The following DENND3 variants were observed in gnomAD, a reference collection of about 807,000 sequenced individuals.
The protein encoded by DENND3 is DENN domain-containing protein 3.
Under a neutral mutation model 135.1 loss-of-function variants are expected in DENND3, and 88 were observed. The observed-to-expected ratio is 0.65, with a 90% CI of 0.55 to 0.78. The LOEUF (loss-of-function observed/expected upper bound fraction) is 0.78, where lower values mean the gene tolerates loss of function less well. DENND3 is among the 30% of genes least tolerant of loss of function. The probability of loss-of-function intolerance (pLI) is 0.00; values close to 1 mark genes in which losing one functional copy is unlikely to be tolerated. For missense variants in DENND3, 1,392 were observed against 1,688.4 expected (o/e 0.82, Z 3.08); for synonymous variants, 693 against 712.3 (o/e 0.97, Z 0.43).
chr8:141,128,773 G>A lies in DENND3; in HGVS notation c.66G>A (p.Leu22=), dbSNP rs966485991. 10 of 1,470,918 alleles carry A rather than the reference G, an allele frequency of 6.8e-6. No homozygotes were observed. Among genetic ancestry groups the A allele is most frequent in the Non-Finnish European group, 9.0e-6 (10 of 1,114,330 alleles). The allele number at this position is 1,470,918 out of a possible 1,614,324, so 91.1% of individuals were successfully genotyped here. The change falls in exon 1 of 23, where the codon CTG becomes CTA. Residue 22 remains leucine, a synonymous_variant. Transcript: ENST00000519811. The surrounding 1 kb of genome is among the most constrained non-coding windows in gnomAD (Gnocchi z 4.5). ...PSGLLELCAL[L]GAPRDSLRSL... ...GGCTGCTGGAGCTCTGCGCGCTGCT[G>A]GGCGCCCCCCGGGACAGTCTCCGAA...
At chr8:141,134,610 T>A (rs147996805) in intron 1 of DENND3, among the ~76,000 whole-genome samples, 183 of 152,290 alleles carry the variant, frequency 1.2e-3, no homozygotes, top group African/African-American at 3.8e-3. Flanking sequence ...TACTGATACA[T>A]TTTTTTCTCC....
rs1273591931 is a variant in DENND3, at chr8:141,167,160, G to A, written c.1753+771G>A. Among the ~76,000 whole-genome samples, 1 of 152,180 alleles carries A rather than the reference G, an allele frequency of 6.6e-6. No individual in the cohort carries two copies. Among genetic ancestry groups the A allele is most frequent in the African/African-American group, 2.4e-5 (1 of 41,430 alleles). ...ACCACGTTGTCTTTATCGGCTGAGC[G>A]CTGGAGCTCAGAGCGAACATTCTGG... On this transcript the variant is annotated intron_variant, in intron 12 of 22. Coordinates refer to ENST00000519811, the MANE Select transcript of DENND3 (RefSeq NM_001352890.3). The surrounding 1 kb of genome is among the most constrained non-coding windows in gnomAD (Gnocchi z 4.1).
At chr8:141,186,245 GT>G (rs1823873749) in intron 18 of DENND3, among the ~76,000 whole-genome samples, 2 of 152,180 alleles carry the variant, frequency 1.3e-5, no homozygotes, top group Admixed American at 1.3e-4. Context: ...GAACCCTGGT[GT>G]TTCCTGGTGG....
At chr8:141,155,219 C>G (rs181102702) in intron 7 of DENND3, among the ~76,000 whole-genome samples, 27 of 152,214 alleles carry the variant, frequency 1.8e-4, no homozygotes, top group Admixed American at 1.8e-3. Context: ...CTCGAATGCA[C>G]TTACACTGTC....
intron 4 of DENND3, chr8:141,142,404 A>G (rs1817578044): frequency 2.2e-6 from 1 of 457,058 alleles, no homozygotes. Context: ...CTTGCAAAGC[A>G]CAGTCATTTG....
rs57624779 is a variant in DENND3, at chr8:141,158,462, C to T, written c.1197-2170C>T. Among the ~76,000 whole-genome samples, 1,293 of 152,306 alleles carry T rather than the reference C, an allele frequency of 8.5e-3. 16 individuals are homozygous for T. The highest frequency in any genetic ancestry group is 0.03 in the African/African-American group (1,236 of 41,558). Reference sequence around the variant, plus strand: ...CACACACGATACGGAGGCTGGGCCCCGCTTTGGCTAGATCCCCCAGAATGG... The same window carrying T: ...CACACACGATACGGAGGCTGGGCCCTGCTTTGGCTAGATCCCCCAGAATGG... On this transcript the variant is annotated intron_variant, in intron 8 of 22. Transcript: ENST00000519811.
chr8:141,158,681 G>C (rs960063956), intron 8 of DENND3, among the ~76,000 whole-genome samples: 2 of 152,234 alleles, frequency 1.3e-5, no homozygotes, highest in African/African-American at 2.4e-5. Flanking sequence ...GCACGTGAGC[G>C]TGTGGCTGGG....
chr8:141,155,021 C>T (rs1231739088), intron 7 of DENND3, among the ~76,000 whole-genome samples: 3 of 152,156 alleles, frequency 2.0e-5, no homozygotes, highest in Admixed American at 2.0e-4. Context: ...ATAGGCCAGT[C>T]CCAAAAGAAC....
rs1373895058 is a variant in DENND3 at position 141,144,296 on chromosome 8, C to T, written c.735+37C>T. ...CTGAAATTATATTGTTTTTTCTTTG[C>T]AAATAGTAAAAGTAAGATGTTGAAG... On this transcript the variant is annotated intron_variant, in intron 5 of 22. Coordinates refer to ENST00000519811, the MANE Select transcript of DENND3 (RefSeq NM_001352890.3). The surrounding 1 kb of genome is among the most constrained non-coding windows in gnomAD (Gnocchi z 4.4). 1 of 1,535,338 alleles carries T rather than the reference C, an allele frequency of 6.5e-7. No homozygotes were observed. The highest frequency in any genetic ancestry group is 8.9e-7 in the Non-Finnish European group (1 of 1,124,148).
rs138133074 is a variant in DENND3, at chr8:141,168,972, T to C, written c.2275+447T>C. 4.6e-3 allele frequency among the ~76,000 whole-genome samples: 698 copies of C among 152,186 alleles called. 3 individuals carry two copies. The highest frequency in any genetic ancestry group is 0.012 in the South Asian group (60 of 4,822). On this transcript the variant is annotated intron_variant, in intron 13 of 22. Coordinates refer to ENST00000519811, the MANE Select transcript of DENND3 (RefSeq NM_001352890.3). The surrounding 1 kb of genome is among the most constrained non-coding windows in gnomAD (Gnocchi z 6.2). ...CTCCTGGGTTCAAGTGATTCTCCTGTCTTAACCTCCTGAGTAGCTGGGATT... is the reference window on the plus strand; with the variant it reads ...CTCCTGGGTTCAAGTGATTCTCCTGCCTTAACCTCCTGAGTAGCTGGGATT...
intron 8 of DENND3, 81 bp from the exon 9 acceptor site, chr8:141,160,551 T>TTG: frequency 7.0e-7 from 1 of 1,427,924 alleles, no homozygotes; most frequent in East Asian, 2.4e-5. Context: ...AAGTGTTCAT[T>TTG]TACCTGGTGG....
In DENND3 at chr8:141,160,410, C is replaced by T. The variant is rs186558552; in HGVS notation, c.1197-222C>T. ...GCCAGGCTGGTCTTGAACTCCCTGA[C>T]CTCAGGTGATCCACCCACCTCGGCC... is the stretch of plus-strand genomic sequence containing the variant. On this transcript the variant is annotated intron_variant, in intron 8 of 22. Coordinates refer to ENST00000519811, the MANE Select transcript of DENND3 (RefSeq NM_001352890.3). 6.2e-3 allele frequency among the ~76,000 whole-genome samples: 950 copies of T among 152,256 alleles called. 8 individuals are homozygous for T. The highest frequency in any genetic ancestry group is 9.7e-3 in the Non-Finnish European group (660 of 68,010).
intron 7 of DENND3, 127 bp from the exon 8 acceptor site, chr8:141,155,722 A>T (rs1819353274): frequency 2.4e-6 from 3 of 1,266,230 alleles, no homozygotes; most frequent in African/African-American, 3.1e-5. Context: ...GTGCATTTTA[A>T]AGAGGGTCAT....
At chr8:141,147,508 A>C (rs1818303343) in intron 5 of DENND3, among the ~76,000 whole-genome samples, 1 of 152,146 alleles carries the variant, frequency 6.6e-6, no homozygotes, top group East Asian at 1.9e-4. Flanking sequence ...GGGCCCTTGC[A>C]CACGCTGTTT....
At position 141,166,986 on chromosome 8, in the gene DENND3, G is replaced by C. The variant is rs1037717025; in HGVS notation, c.1753+597G>C. 2.6e-5 allele frequency among the ~76,000 whole-genome samples: 4 copies of C among 152,164 alleles called. No individual in the cohort carries two copies. The highest frequency in any genetic ancestry group is 4.8e-5 in the African/African-American group (2 of 41,438). On this transcript the variant is annotated intron_variant, in intron 12 of 22. Coordinates refer to ENST00000519811, the MANE Select transcript of DENND3 (RefSeq NM_001352890.3). This position sits in a 1 kb window ranked among gnomAD's most constrained non-coding sequence, Gnocchi z 4.3. ...CGGGAGGCCGGGGCCTTGACCCCCAGGGCACCTGCTGCTGCTGTCTCGGGC... is the reference window on the plus strand; with the variant it reads ...CGGGAGGCCGGGGCCTTGACCCCCACGGCACCTGCTGCTGCTGTCTCGGGC...
chr8:141,170,161 T>C (rs1437143583), intron 13 of DENND3, among the ~76,000 whole-genome samples: 5 of 152,246 alleles, frequency 3.3e-5, no homozygotes, highest in Admixed American at 1.3e-4. Context: ...TGTGTTGTCA[T>C]GGTCTTTGCC....
intron 5 of DENND3, among the ~76,000 whole-genome samples, chr8:141,147,005 C>T (rs1302727855): frequency 1.3e-5 from 2 of 152,206 alleles, no homozygotes; most frequent in South Asian, 2.1e-4. Context: ...GGAATGCGTG[C>T]GTAGCACTCC....
In DENND3 at chr8:141,138,208, C is replaced by G. The variant is rs996742031; in HGVS notation, c.501+71C>G. On this transcript the variant is annotated intron_variant, in intron 3 of 22. Coordinates refer to ENST00000519811, the MANE Select transcript of DENND3 (RefSeq NM_001352890.3). The surrounding 1 kb of genome is among the most constrained non-coding windows in gnomAD (Gnocchi z 4.8). ...TTATTATGGTGAAATACACATAACA[C>G]AACATTCACCATTCTAACCATTTTA... The G allele has an allele frequency of 7.1e-7, 1 of 1,408,674 alleles. No individual in the cohort carries two copies. Among genetic ancestry groups the G allele is most frequent in the Non-Finnish European group, 9.8e-7 (1 of 1,019,080 alleles). 87.3% of individuals were successfully genotyped at this position (1,408,674 alleles called of 1,614,324 possible).
Position 141,189,062 on chromosome 8 carries a change from A to G in DENND3, c.3161A>G (p.His1054Arg). ...EDSVIYIINV[H>R]SMSCNKQLTA... Reference sequence around the variant, plus strand: ...TCCGTCATCTACATCATCAACGTCCACAGCATGTCCTGCAACAAGCAGCTC... The same window carrying G: ...TCCGTCATCTACATCATCAACGTCCGCAGCATGTCCTGCAACAAGCAGCTC... The change falls in exon 19 of 23, where the codon CAC (histidine) becomes CGC (arginine). Residue 1054 changes from histidine (H) to arginine (R), a missense_variant. Coordinates refer to ENST00000519811, the MANE Select transcript of DENND3 (RefSeq NM_001352890.3). 1 of 1,614,202 alleles carries G rather than the reference A, an allele frequency of 6.2e-7. No individual in the cohort carries two copies. The highest frequency in any genetic ancestry group is 8.5e-7 in the Non-Finnish European group (1 of 1,180,036).
Sources: allele counts gnomAD v4.1 joint callset (sites outside exome capture counted in the v4.1 genomes callset), GRCh38; gene constraint gnomAD v4.1.1; non-coding constraint Gnocchi (gnomAD v3.1); transcripts MANE v1.5; gene names NCBI Gene and HGNC (gene_info 2026-07-23, HGNC 2026-07-21).